Variants in FNBP1L observed in about 807,000 individuals in gnomAD.
FNBP1L encodes the protein formin binding protein 1 like.
In FNBP1L, 36 loss-of-function variants were observed where a neutral mutation model predicts 91.2. The observed-to-expected ratio is 0.39, with a 90% CI of 0.30 to 0.52. FNBP1L has a LOEUF of 0.52. Among genes scored for constraint, FNBP1L ranks in the 20% least tolerant of loss-of-function variants. The pLI, the probability that FNBP1L is intolerant of heterozygous loss-of-function variation, is 0.66. For missense variants in FNBP1L, 571 were observed against 732.1 expected (o/e 0.78, Z 2.54); for synonymous variants, 242 against 237.0 (o/e 1.02, Z -0.19).
intron 1 of FNBP1L, among the ~76,000 whole-genome samples, chr1:93,452,555 A>C (rs1311832551): frequency 6.6e-6 from 1 of 152,190 alleles, no homozygotes; most frequent in Non-Finnish European, 1.5e-5. Flanking sequence ...GTAACAAAGG[A>C]ATTGGGTCTC....
chr1:93,531,734 A>T (rs1671683546), intron 7 of FNBP1L, among the ~76,000 whole-genome samples: 1 of 152,122 alleles, frequency 6.6e-6, no homozygotes, highest in Non-Finnish European at 1.5e-5. Flanking sequence ...ATTCTGGGGA[A>T]ACTATAACTT....
chr1:93,530,704 G>A (rs1671643550), intron 6 of FNBP1L, 51 bp from the exon 7 acceptor site: 3 of 1,556,712 alleles, frequency 1.9e-6, no homozygotes, highest in Non-Finnish European at 2.6e-6. Flanking sequence ...TCAAAAAAGT[G>A]AATTGCTGTG....
At chr1:93,477,056 G>GT (rs1468089267) in intron 1 of FNBP1L, among the ~76,000 whole-genome samples, 1 of 152,118 alleles carries the variant, frequency 6.6e-6, no homozygotes, top group Non-Finnish European at 1.5e-5. Flanking sequence ...ATCAGTGCCC[G>GT]TAATATTTGT....
At chr1:93,487,679 G>A (rs1482262953) in intron 1 of FNBP1L, among the ~76,000 whole-genome samples, 1 of 152,094 alleles carries the variant, frequency 6.6e-6, no homozygotes. Context: ...CTGAATTCAG[G>A]ACTAAGATTT....
chr1:93,543,259 A>T (rs1284537440), intron 11 of FNBP1L, among the ~76,000 whole-genome samples: 1 of 152,206 alleles, frequency 6.6e-6, no homozygotes, highest in Non-Finnish European at 1.5e-5. Context: ...AGTGATTAAA[A>T]TAACATTTAA....
At chr1:93,488,157 C>T (rs905779945) in intron 1 of FNBP1L, among the ~76,000 whole-genome samples, 10 of 152,102 alleles carry the variant, frequency 6.6e-5, no homozygotes, top group African/African-American at 2.4e-4. Flanking sequence ...AAATCTTAAC[C>T]ACTTTTCACT....
chr1:93,542,850 C>A (rs1672098517), intron 11 of FNBP1L, among the ~76,000 whole-genome samples: 1 of 137,948 alleles, frequency 7.2e-6, no homozygotes, highest in South Asian at 2.3e-4. Flanking sequence ...ATGGCGCGAT[C>A]TTGGCTCACT....
chr1:93,546,233 A>G (rs75067807), intron 12 of FNBP1L, among the ~76,000 whole-genome samples: 2,871 of 152,186 alleles, frequency 0.019, 37 homozygotes, highest in Non-Finnish European at 0.024. Context: ...AATGTAACCT[A>G]TAGGAAGTCA....
At chr1:93,451,882 CATTG>C (rs1258725656) in intron 1 of FNBP1L, among the ~76,000 whole-genome samples, 27 of 152,158 alleles carry the variant, frequency 1.8e-4, no homozygotes, top group Non-Finnish European at 5.9e-5. Context: ...GAACTCCTGA[CATTG>C]TGATCCGCCC....
At chr1:93,510,614 C>T (rs935996724) in intron 2 of FNBP1L, among the ~76,000 whole-genome samples, 9 of 152,306 alleles carry the variant, frequency 5.9e-5, no homozygotes, top group African/African-American at 2.2e-4. Context: ...CGGAGAATGA[C>T]TTTGATGAGC....
intron 2 of FNBP1L, among the ~76,000 whole-genome samples, chr1:93,510,757 T>C (rs966117685): frequency 6.6e-5 from 10 of 151,960 alleles, no homozygotes; most frequent in Non-Finnish European, 1.0e-4. Flanking sequence ...GAGAAGTGCT[T>C]AAAGGAGCTG....
At chr1:93,549,473 A>C (rs759012508) in intron 15 of FNBP1L, 47 bp downstream of exon 15, 5 of 1,424,622 alleles carry the variant, frequency 3.5e-6, no homozygotes, top group Non-Finnish European at 4.7e-6. Context: ...TGGTTCTTTA[A>C]AAGTATTTAC....
At chr1:93,544,002 A>C in intron 11 of FNBP1L, 105 bp from the exon 12 acceptor site, 1 of 755,738 alleles carries the variant, frequency 1.3e-6, no homozygotes, top group Non-Finnish European at 2.0e-6. Context: ...GGCAAATTTG[A>C]AATTAAACTT....
rs1169436726 is a variant in FNBP1L at position 93,553,433 on chromosome 1, A to G, written c.*1017A>G. The G allele has an allele frequency of 4.6e-5, 7 of 152,770 alleles. No homozygotes were observed. The South Asian group carries it at 6.2e-4, about 14-fold the overall frequency. 9.5% of individuals were successfully genotyped at this position (152,770 alleles called of 1,614,324 possible). A position where few individuals can be genotyped will look rare whatever the true frequency, so the allele number is the denominator to read the frequency against. Reference sequence around the variant, plus strand: ...GCCGATGTAGCCTCGGTAGGTGGCTATTAGAGCTCTACCATATACAGTGGT... The same window carrying G: ...GCCGATGTAGCCTCGGTAGGTGGCTGTTAGAGCTCTACCATATACAGTGGT... On this transcript the variant is annotated 3_prime_UTR_variant, in exon 17 of 17. Transcript: ENST00000271234.
chr1:93,533,337 A>G (rs962318484), intron 8 of FNBP1L, among the ~76,000 whole-genome samples: 2 of 152,166 alleles, frequency 1.3e-5, no homozygotes, highest in African/African-American at 4.8e-5. Context: ...TAACCTAGGA[A>G]CTGTGTGTTA....
chr1:93,504,179 G>A (rs1252756422), intron 2 of FNBP1L, among the ~76,000 whole-genome samples: 3 of 152,180 alleles, frequency 2.0e-5, no homozygotes, highest in Admixed American at 6.5e-5. Flanking sequence ...CTGTGTTTCA[G>A]TTTAGTTTAG....
chr1:93,549,376 A>C lies in FNBP1L; in HGVS notation c.1601A>C (p.Asp534Ala). Reference protein sequence around the residue: ...HNEFDDEFEDDDPLPAIGHCK... With the variant: ...HNEFDDEFEDADPLPAIGHCK... ...GAGTTTGATGATGAATTTGAGGATG[A>C]TGATCCCTTGCCTGCTATTGGACAC... The change falls in exon 15 of 17, where the codon GAT becomes GCT. Residue 534 changes from aspartate (D) to alanine (A), a missense_variant. Transcript: ENST00000271234. The C allele has an allele frequency of 6.2e-7, 1 of 1,612,576 alleles. No individual in the cohort carries two copies. Among genetic ancestry groups the C allele is most frequent in the Non-Finnish European group, 8.5e-7 (1 of 1,179,376 alleles).
intron 1 of FNBP1L, among the ~76,000 whole-genome samples, chr1:93,484,744 A>T (rs1669838626): frequency 6.6e-6 from 1 of 152,216 alleles, no homozygotes; most frequent in African/African-American, 2.4e-5. Flanking sequence ...TAAAATAGTT[A>T]ATCTTAAACT....
intron 2 of FNBP1L, among the ~76,000 whole-genome samples, chr1:93,506,383 C>T (rs1339428168): frequency 6.6e-6 from 1 of 152,108 alleles, no homozygotes; most frequent in Admixed American, 6.5e-5. Context: ...ATACTGGCCT[C>T]AAAGCTGTGT....
Sources: gnomAD v4.1 joint callset for allele counts (sites outside exome capture counted in the v4.1 genomes callset) on GRCh38, gnomAD v4.1.1 for gene constraint, MANE v1.5 for transcripts, NCBI Gene and HGNC (gene_info 2026-07-23, HGNC 2026-07-21) for gene names.